The following CAMK4 variants were observed in gnomAD, a reference collection of about 807,000 sequenced individuals.
CAMK4 encodes the protein calcium/calmodulin dependent protein kinase IV, also known as calcium/calmodulin-dependent protein kinase type IV.
Under a neutral mutation model 44.9 loss-of-function variants are expected in CAMK4, and 22 were observed. That is an observed-to-expected ratio of 0.49 (90% confidence interval 0.35 to 0.70). CAMK4 has a LOEUF of 0.70. CAMK4 is among the 30% of genes least tolerant of loss of function. The pLI is 0.01. For synonymous variants in CAMK4, 218 were observed against 215.4 expected (o/e 1.01, Z -0.11); for missense variants, 498 against 586.8 (o/e 0.85, Z 1.56).
chr5:111,361,485 G>A (rs938536818), intron 2 of CAMK4, among the ~76,000 whole-genome samples: 5 of 151,804 alleles, frequency 3.3e-5, no homozygotes, highest in Admixed American at 6.6e-5. Context: ...AAAAATCTTG[G>A]TCATATGAAA....
At chr5:111,351,538 T>A (rs1750105257) in intron 2 of CAMK4, among the ~76,000 whole-genome samples, 1 of 151,820 alleles carries the variant, frequency 6.6e-6, no homozygotes, top group Non-Finnish European at 1.5e-5. Flanking sequence ...CCTTAGTAGC[T>A]GAGATTACAG....
Position 111,482,022 on chromosome 5 carries a change from C to T in CAMK4, c.829-763C>T, listed in dbSNP as rs896423343. On this transcript the variant is annotated intron_variant, in intron 9 of 10. Transcript: ENST00000282356. This position sits in a 1 kb window ranked among gnomAD's most constrained non-coding sequence, Gnocchi z 4.9. ...GTGGCATAACCAGGGCTTGAACACA[C>T]TTCCTGACTCCCAATAGTCTCTGCC... 1 of 152,194 alleles carries T rather than the reference C, an allele frequency of 6.6e-6. No homozygotes were observed. The highest frequency in any genetic ancestry group is 1.5e-5 in the Non-Finnish European group (1 of 68,068). 9.4% of individuals were successfully genotyped at this position (152,194 alleles called of 1,614,324 possible).
At chr5:111,418,344 G>T (rs940737378) in intron 5 of CAMK4, among the ~76,000 whole-genome samples, 15 of 152,106 alleles carry the variant, frequency 9.9e-5, no homozygotes, top group African/African-American at 3.6e-4. Flanking sequence ...GGCAAGTGGA[G>T]GCAGGACAAG....
intron 2 of CAMK4, among the ~76,000 whole-genome samples, chr5:111,369,398 G>T (rs935872242): frequency 1.3e-5 from 2 of 151,922 alleles, no homozygotes; most frequent in African/African-American, 2.4e-5. Flanking sequence ...AAATAGCTAC[G>T]CATATTTGCT....
Position 111,343,949 on chromosome 5 carries a change from C to T in CAMK4, c.162-75C>T, listed in dbSNP as rs1466971104. On this transcript the variant is annotated intron_variant, in intron 1 of 10. Transcript: ENST00000282356. Reference sequence around the variant, plus strand: ...CAGTTATGTGGGTTATTGCAAGATACACTTATTTTCAAGCTTTCCCCTTTA... The same window carrying T: ...CAGTTATGTGGGTTATTGCAAGATATACTTATTTTCAAGCTTTCCCCTTTA... 9 of 832,200 alleles carry T rather than the reference C, an allele frequency of 1.1e-5. No individual in the cohort carries two copies. The Admixed American group carries it at 1.4e-4, about 13-fold the overall frequency. The allele number at this position is 832,200 out of a possible 1,614,324, so 51.6% of individuals were successfully genotyped here.
At chr5:111,296,543 G>A (rs182700491) in intron 1 of CAMK4, among the ~76,000 whole-genome samples, 1,637 of 152,286 alleles carry the variant, frequency 0.011, 16 homozygotes, top group Non-Finnish European at 0.016. Context: ...TGCATTCTAT[G>A]ATTGTTTTAT....
At chr5:111,341,579 G>A (rs1279591586) in intron 1 of CAMK4, among the ~76,000 whole-genome samples, 1 of 150,588 alleles carries the variant, frequency 6.6e-6, no homozygotes, top group African/African-American at 2.4e-5. Flanking sequence ...AATTACACTA[G>A]GAATACACCA....
chr5:111,341,341 T>C (rs1238635446), intron 1 of CAMK4, among the ~76,000 whole-genome samples: 1 of 151,244 alleles, frequency 6.6e-6, no homozygotes, highest in Admixed American at 6.6e-5. Context: ...GTTTTGCATT[T>C]CTATCTGTGA....
At chr5:111,479,772 A>G (rs1349871881) in intron 9 of CAMK4, among the ~76,000 whole-genome samples, 1 of 152,060 alleles carries the variant, frequency 6.6e-6, no homozygotes, top group Non-Finnish European at 1.5e-5. Flanking sequence ...GTGGGAAGAG[A>G]AAGTCAGTGT....
intron 1 of CAMK4, among the ~76,000 whole-genome samples, chr5:111,267,597 G>A (rs1201007493): frequency 1.3e-5 from 2 of 151,236 alleles, no homozygotes; most frequent in Admixed American, 6.6e-5. Flanking sequence ...CCAGCTACTC[G>A]GGAGGCTGAG....
rs183242353 is a variant in CAMK4, at chr5:111,348,303, G to A, written c.240+4201G>A. ...TATCTGGGTTTTAGTAGATGAATGC[G>A]CTGACTTATCCATAGGAATACAGGT... On this transcript the variant is annotated intron_variant, in intron 2 of 10. Coordinates refer to ENST00000282356, the MANE Select transcript of CAMK4 (RefSeq NM_001744.6). Among the ~76,000 whole-genome samples the A allele has an allele frequency of 6.9e-4, 105 of 152,052 alleles. 1 individual carries two copies. Among genetic ancestry groups the A allele is most frequent in the African/African-American group, 2.4e-3 (100 of 41,538 alleles).
chr5:111,224,412 G>T lies in CAMK4; in HGVS notation c.-72G>T, dbSNP rs1298076759. ...TCTCGCTCCTGCGTTCGCAGGCGGC[G>T]GCTGGCGGCCGGCTTCTCGCTCGGG... On this transcript the variant is annotated 5_prime_UTR_variant, in exon 1 of 11. Coordinates refer to ENST00000282356, the MANE Select transcript of CAMK4 (RefSeq NM_001744.6). The surrounding 1 kb of genome is among the most constrained non-coding windows in gnomAD (Gnocchi z 5.7). 6 of 1,488,576 alleles carry T rather than the reference G, an allele frequency of 4.0e-6. No individual in the cohort carries two copies. Among genetic ancestry groups the T allele is most frequent in the Non-Finnish European group, 3.6e-6 (4 of 1,123,804 alleles). The allele number at this position is 1,488,576 out of a possible 1,614,324, so 92.2% of individuals were successfully genotyped here.
rs421603 is a variant in CAMK4, at chr5:111,343,910, T to A, written c.162-114T>A. The A allele has an allele frequency of 6.3e-6, 4 of 639,664 alleles. No individual in the cohort carries two copies. In the East Asian group the frequency reaches 1.1e-4, roughly 17 times the overall value. 39.6% of individuals were successfully genotyped at this position (639,664 alleles called of 1,614,324 possible). A position where few individuals can be genotyped will look rare whatever the true frequency, so the allele number is the denominator to read the frequency against. On this transcript the variant is annotated intron_variant, in intron 1 of 10. Transcript: ENST00000282356. ...AGGGCTGGTCCTATAATAGAACTTA[T>A]AATAAGCACTTGTCAGTTATGTGGG...
chr5:111,258,743 G>A (rs1000895166), intron 1 of CAMK4, among the ~76,000 whole-genome samples: 2 of 57,458 alleles, frequency 3.5e-5, no homozygotes, highest in African/African-American at 1.2e-4. Context: ...TTATCAGCGT[G>A]TGTGTGTGTG....
intron 1 of CAMK4, among the ~76,000 whole-genome samples, chr5:111,270,303 A>T (rs1249962527): frequency 6.6e-6 from 1 of 151,752 alleles, no homozygotes; most frequent in Non-Finnish European, 1.5e-5. Context: ...CCTATCTGCT[A>T]CTCTTCCTTT....
intron 2 of CAMK4, among the ~76,000 whole-genome samples, chr5:111,358,911 T>C (rs1750486180): frequency 6.6e-6 from 1 of 152,168 alleles, no homozygotes; most frequent in African/African-American, 2.4e-5. Context: ...CATTATCTCA[T>C]TCTTTTTTAT....
chr5:111,467,640 C>T (rs1310897431), intron 7 of CAMK4, among the ~76,000 whole-genome samples: 2 of 152,004 alleles, frequency 1.3e-5, no homozygotes, highest in Admixed American at 1.3e-4. Flanking sequence ...TGCAAATCAA[C>T]ACCGCAATGC....
At chr5:111,388,347 C>T (rs1423179517) in intron 4 of CAMK4, among the ~76,000 whole-genome samples, 1 of 152,276 alleles carries the variant, frequency 6.6e-6, no homozygotes, top group African/African-American at 2.4e-5. Flanking sequence ...TTCTTTACTC[C>T]ACCATCTGTG....
chr5:111,295,898 A>C (rs1441314483), intron 1 of CAMK4, among the ~76,000 whole-genome samples: 1 of 152,210 alleles, frequency 6.6e-6, no homozygotes. Context: ...GTTTGGGATA[A>C]TGAGTTTTGA....
Sources: allele counts gnomAD v4.1 joint callset (sites outside exome capture counted in the v4.1 genomes callset), GRCh38; gene constraint gnomAD v4.1.1; non-coding constraint Gnocchi (gnomAD v3.1); transcripts MANE v1.5; gene names NCBI Gene and HGNC (gene_info 2026-07-23, HGNC 2026-07-21).